ATP10D: variants seen among roughly 807,000 people sequenced by gnomAD.
The protein encoded by ATP10D is ATPase phospholipid transporting 10D (putative), also known as phospholipid-transporting ATPase VD.
A neutral mutation model predicts 144.8 loss-of-function variants in ATP10D; 89 were observed. The ratio of observed to expected loss-of-function variants is 0.61; its 90% confidence interval spans 0.52 to 0.73. The LOEUF is 0.73. Ranked by LOEUF, ATP10D falls within the 30% of genes least tolerant of loss-of-function variation. The pLI, the probability that ATP10D is intolerant of heterozygous loss-of-function variation, is 0.00. For missense variants in ATP10D, 1,603 were observed against 1,714.8 expected (o/e 0.93, Z 1.15); for synonymous variants, 571 against 615.1 (o/e 0.93, Z 1.06).
intron 1 of ATP10D, among the ~76,000 whole-genome samples, chr4:47,496,159 T>TG (rs797018675): frequency 1.1e-5 from 1 of 89,612 alleles, no homozygotes. Flanking sequence ...CCTTTTTCTT[T>TG]TTTTTTTTTT....
chr4:47,525,891 G>T (rs191952822), intron 5 of ATP10D, among the ~76,000 whole-genome samples: 10 of 152,334 alleles, frequency 6.6e-5, no homozygotes, highest in African/African-American at 2.4e-4. Flanking sequence ...AGGGCAGCTA[G>T]AATTTGGGGT....
rs1719747305 is a variant in ATP10D, at chr4:47,568,310, TAGTG to T, written c.2854-521_2854-518del. On this transcript the variant is annotated intron_variant, in intron 15 of 22. Coordinates refer to ENST00000273859, the MANE Select transcript of ATP10D (RefSeq NM_020453.4). ...AATATATAGTTTCTCATTAAATAGT[TAGTG>T]AGTGAATGAATACGTTGAATCAAAA... 2.6e-5 allele frequency among the ~76,000 whole-genome samples: 4 copies of T among 152,314 alleles called. No individual in the cohort carries two copies. The South Asian group carries it at 8.3e-4, about 32-fold the overall frequency.
rs189153671 is a variant in ATP10D, at chr4:47,500,560, C to G, written c.-37-11944C>G. Among the ~76,000 whole-genome samples, 22 of 152,264 alleles carry G rather than the reference C, an allele frequency of 1.4e-4. No homozygotes were observed. The East Asian group carries it at 3.9e-3, about 27-fold the overall frequency. On this transcript the variant is annotated intron_variant, in intron 1 of 22. Coordinates refer to ENST00000273859, the MANE Select transcript of ATP10D (RefSeq NM_020453.4). ...GATGTGAGTTGTAAGTGAAAGAAAC[C>G]AAGGATGACTCAAAAGTTTTTGGGC... is the stretch of plus-strand genomic sequence containing the variant.
At position 47,591,416 on chromosome 4, in the gene ATP10D, G is replaced by T. The variant is rs1484811743; in HGVS notation, c.*35G>T. ...TTGGAGTTGCAAGTATTCTTTCAAG[G>T]TTGGAAGAGGGATTTTGAAGAGGTA... is the stretch of plus-strand genomic sequence containing the variant. On this transcript the variant is annotated 3_prime_UTR_variant, in exon 23 of 23. Transcript: ENST00000273859. 1 of 1,505,684 alleles carries T rather than the reference G, an allele frequency of 6.6e-7. No individual in the cohort carries two copies. The highest frequency in any genetic ancestry group is 2.1e-5 in the Admixed American group (1 of 47,972). The allele number at this position is 1,505,684 out of a possible 1,614,324, so 93.3% of individuals were successfully genotyped here. A position where few individuals can be genotyped will look rare whatever the true frequency, so the allele number is the denominator to read the frequency against.
chr4:47,501,208 A>G (rs979729654), intron 1 of ATP10D, among the ~76,000 whole-genome samples: 7 of 152,210 alleles, frequency 4.6e-5, no homozygotes, highest in African/African-American at 1.7e-4. Context: ...CAGTGAAAAG[A>G]TGGTTGGTGG....
intron 5 of ATP10D, 53 bp downstream of exon 5, chr4:47,525,695 A>G (rs1717208524): frequency 2.9e-6 from 4 of 1,396,958 alleles, no homozygotes; most frequent in Admixed American, 1.7e-5. Flanking sequence ...GTGTGTTGCA[A>G]TCGTACTTAA....
At chr4:47,582,354 A>G (rs887124957) in intron 21 of ATP10D, among the ~76,000 whole-genome samples, 1 of 152,158 alleles carries the variant, frequency 6.6e-6, no homozygotes, top group Non-Finnish European at 1.5e-5. Flanking sequence ...ATTCTTCAAG[A>G]CCAAGCTGAT....
At chr4:47,570,735 G>A (rs951904221) in intron 16 of ATP10D, among the ~76,000 whole-genome samples, 4 of 151,944 alleles carry the variant, frequency 2.6e-5, no homozygotes, top group Non-Finnish European at 5.9e-5. Context: ...CCCGGGAAGC[G>A]GAGGTTGCAG....
Position 47,488,661 on chromosome 4 carries a change from A to G in ATP10D, c.-38+3142A>G, listed in dbSNP as rs1444927907. Among the ~76,000 whole-genome samples, 3 of 150,300 alleles carry G rather than the reference A, an allele frequency of 2.0e-5. No individual in the cohort carries two copies. In the South Asian group the frequency reaches 6.3e-4, roughly 31 times the overall value. ...ATAAATGGTAAGCTCTGTATTTTAC[A>G]TGCTCCCTTTAAAAAGATACTATAA... On this transcript the variant is annotated intron_variant, in intron 1 of 22. Transcript: ENST00000273859.
At chr4:47,566,355 A>G (rs1045694153) in intron 15 of ATP10D, among the ~76,000 whole-genome samples, 3 of 152,176 alleles carry the variant, frequency 2.0e-5, no homozygotes, top group Admixed American at 1.3e-4. Flanking sequence ...AAGGCCTTTC[A>G]GGATTGGTCA....
At chr4:47,543,823 C>T (rs2109432157) in intron 9 of ATP10D, among the ~76,000 whole-genome samples, 1 of 132,832 alleles carries the variant, frequency 7.5e-6, no homozygotes, top group South Asian at 2.5e-4. Context: ...AATAGGTATA[C>T]ATATATATTA....
chr4:47,548,191 A>T (rs1718542778), intron 10 of ATP10D, among the ~76,000 whole-genome samples: 1 of 152,126 alleles, frequency 6.6e-6, no homozygotes, highest in Non-Finnish European at 1.5e-5. Context: ...TGGTTTCTTG[A>T]TCAAACCTCA....
At chr4:47,548,183 G>T (rs868474362) in intron 10 of ATP10D, among the ~76,000 whole-genome samples, 9 of 152,052 alleles carry the variant, frequency 5.9e-5, no homozygotes, top group Non-Finnish European at 1.3e-4. Flanking sequence ...CACCTTATTG[G>T]TTTCTTGATC....
At position 47,546,749 on chromosome 4, in the gene ATP10D, C is replaced by T. The variant is rs767308709; in HGVS notation, c.1522C>T (p.Pro508Ser). The change falls in exon 10 of 23, where the codon CCT becomes TCT. Residue 508 changes from proline to serine, a missense_variant. Physicochemically the swap from Pro to Ser is moderately conservative, Grantham distance 74. Transcript: ENST00000273859. ...APSCRTVHNGPLGNKPSNHLA... is the reference protein window; with the variant it reads ...APSCRTVHNGSLGNKPSNHLA... ...CAGCTGCAGGACAGTTCATAATGGG[C>T]CTTTGGGAAATAAGCCCTCAAATCA... 6.2e-7 allele frequency: 1 copy of T among 1,614,076 alleles called. No homozygotes were observed. Among genetic ancestry groups the T allele is most frequent in the East Asian group, 2.2e-5 (1 of 44,876 alleles).
intron 1 of ATP10D, among the ~76,000 whole-genome samples, chr4:47,499,579 T>G (rs989380003): frequency 6.6e-6 from 1 of 152,188 alleles, no homozygotes; most frequent in African/African-American, 2.4e-5. Flanking sequence ...CTTATGGAAA[T>G]GCTTTGAAGA....
At chr4:47,488,102 T>C (rs943230311) in intron 1 of ATP10D, among the ~76,000 whole-genome samples, 5 of 152,166 alleles carry the variant, frequency 3.3e-5, no homozygotes, top group African/African-American at 9.7e-5. Flanking sequence ...TACCATCTTA[T>C]CTGTAATACA....
At chr4:47,515,157 T>C (rs906293471) in intron 2 of ATP10D, among the ~76,000 whole-genome samples, 54 of 151,810 alleles carry the variant, frequency 3.6e-4, no homozygotes, top group Non-Finnish European at 2.6e-4. Context: ...GACGGGGTTT[T>C]ACCGTGTTGC....
intron 16 of ATP10D, among the ~76,000 whole-genome samples, chr4:47,569,910 T>G (rs1037105232): frequency 1.3e-5 from 2 of 152,202 alleles, no homozygotes; most frequent in East Asian, 3.9e-4. Context: ...GTTTGGTGTG[T>G]CGGAGGACAA....
At chr4:47,500,548 A>G (rs886502461) in intron 1 of ATP10D, among the ~76,000 whole-genome samples, 1 of 152,210 alleles carries the variant, frequency 6.6e-6, no homozygotes, top group Non-Finnish European at 1.5e-5. Context: ...GTGAGTTGTA[A>G]GTGAAAGAAA....
Sources: allele counts gnomAD v4.1 joint callset (sites outside exome capture counted in the v4.1 genomes callset), GRCh38; gene constraint gnomAD v4.1.1; transcripts MANE v1.5; gene names NCBI Gene and HGNC (gene_info 2026-07-23, HGNC 2026-07-21).